ZNF430: variants seen among roughly 807,000 people sequenced by gnomAD.
The protein encoded by ZNF430 is zinc finger protein 430.
In ZNF430, 35 loss-of-function variants were observed where a neutral mutation model predicts 56.7. The ratio of observed to expected loss-of-function variants is 0.62; its 90% CI spans 0.47 to 0.82. The LOEUF (loss-of-function observed/expected upper bound fraction) is 0.82, where lower values mean the gene tolerates loss of function less well. Among genes scored for constraint, ZNF430 ranks in the 40% least tolerant of loss-of-function variants. The pLI is 0.00. For synonymous variants in ZNF430, 212 were observed against 224.3 expected (o/e 0.94, Z 0.49); for missense variants, 574 against 661.0 (o/e 0.87, Z 1.44).
At chr19:21,032,995 G>A (rs1180095326) in intron 2 of ZNF430, among the ~76,000 whole-genome samples, 1 of 152,100 alleles carries the variant, frequency 6.6e-6, no homozygotes, top group Non-Finnish European at 1.5e-5. Flanking sequence ...ATATACTGGT[G>A]TTATGGATCT....
intron 4 of ZNF430, among the ~76,000 whole-genome samples, chr19:21,047,445 G>T (rs113502252): frequency 6.6e-5 from 10 of 152,208 alleles, no homozygotes; most frequent in African/African-American, 2.4e-4. Context: ...GCATTTTTTG[G>T]TTTATTCTTT....
intron 2 of ZNF430, among the ~76,000 whole-genome samples, chr19:21,028,991 GT>G (rs1457288292): frequency 6.6e-6 from 1 of 152,056 alleles, no homozygotes; most frequent in African/African-American, 2.4e-5. Flanking sequence ...GCAATTCTGT[GT>G]TTTTTTCTCC....
chr19:21,055,808 G>A (rs1378725179), intron 4 of ZNF430, among the ~76,000 whole-genome samples: 1 of 151,908 alleles, frequency 6.6e-6, no homozygotes, highest in East Asian at 1.9e-4. Flanking sequence ...TCTGTGTGTG[G>A]CACTGCAGTC....
chr19:21,054,855 T>C (rs894685850), intron 4 of ZNF430, among the ~76,000 whole-genome samples: 1 of 151,614 alleles, frequency 6.6e-6, no homozygotes, highest in Non-Finnish European at 1.5e-5. Context: ...TTTCTTTTTT[T>C]AGTAGAGACA....
rs573848065 is a variant in ZNF430 at position 21,047,033 on chromosome 19, C to T, written c.323-9598C>T. 4.6e-5 allele frequency among the ~76,000 whole-genome samples: 7 copies of T among 152,174 alleles called. No homozygotes were observed. In the South Asian group the frequency reaches 1.5e-3, roughly 32 times the overall value. On this transcript the variant is annotated intron_variant, in intron 4 of 4. Coordinates refer to ENST00000261560, the MANE Select transcript of ZNF430 (RefSeq NM_025189.4). ...AGACCTCAGAGATTTCTCTCATTCC[C>T]GTTTATTCTTTTTTCTTCAATCTTG...
rs189804118 is a variant in ZNF430, at chr19:21,049,339, A to T, written c.323-7292A>T. Among the ~76,000 whole-genome samples the T allele has an allele frequency of 3.1e-3, 464 of 152,114 alleles. 5 individuals are homozygous for T. Among genetic ancestry groups the T allele is most frequent in the Non-Finnish European group, 5.3e-3 (362 of 68,004 alleles). On this transcript the variant is annotated intron_variant, in intron 4 of 4. Coordinates refer to ENST00000261560, the MANE Select transcript of ZNF430 (RefSeq NM_025189.4). ...ATATCTTGTATTTTTATATCTACAG[A>T]ACTTTAACGGTTTTATGCACCATTA... is the stretch of plus-strand genomic sequence containing the variant.
Position 21,058,219 on chromosome 19 carries a change from T to C in ZNF430, c.*198T>C. On this transcript the variant is annotated 3_prime_UTR_variant, in exon 5 of 5. Transcript: ENST00000261560. ...CAGCACTTTGGGAGGCTGAGACGGG[T>C]GAATTACATGAGGTTGGGAGTTCGA... The C allele has an allele frequency of 1.8e-6, 1 of 567,604 alleles. No homozygotes were observed. The highest frequency in any genetic ancestry group is 3.1e-6 in the Non-Finnish European group (1 of 324,682). 35.2% of individuals were successfully genotyped at this position (567,604 alleles called of 1,614,324 possible). A position where few individuals can be genotyped will look rare whatever the true frequency, so the allele number is the denominator to read the frequency against.
At chr19:21,041,189 A>G (rs1372864284) in intron 4 of ZNF430, among the ~76,000 whole-genome samples, 1 of 152,182 alleles carries the variant, frequency 6.6e-6, no homozygotes, top group East Asian at 1.9e-4. Context: ...TTGCAGTGGC[A>G]TGATTACAGC....
intron 2 of ZNF430, among the ~76,000 whole-genome samples, chr19:21,032,457 G>T (rs1967920786): frequency 6.6e-6 from 1 of 152,200 alleles, no homozygotes; most frequent in Non-Finnish European, 1.5e-5. Flanking sequence ...GCTGGGTGTG[G>T]TGGCTCACAC....
chr19:21,039,756 G>A (rs1225803789), intron 4 of ZNF430, among the ~76,000 whole-genome samples: 5 of 152,036 alleles, frequency 3.3e-5, no homozygotes, highest in Non-Finnish European at 7.4e-5. Flanking sequence ...GTGAGCCACC[G>A]CACCCGGCCT....
chr19:21,057,879 A>G lies in ZNF430; in HGVS notation c.1571A>G (p.Gln524Arg), dbSNP rs372193542. The G allele has an allele frequency of 5.0e-6, 8 of 1,613,794 alleles. No individual in the cohort carries two copies. The highest frequency in any genetic ancestry group is 6.8e-6 in the Non-Finnish European group (8 of 1,179,922). Residue 524 changes from glutamine to arginine, a missense_variant, in exon 5 of 5, where the codon CAG (glutamine) becomes CGG (arginine). Transcript: ENST00000261560. ...CTAGAATGTGATAAAGCCTTTAGCC[A>G]GTCTTCAACTCTTACTAAACATAAG... The part of the protein sequence containing the change: ...KYLECDKAFS[Q>R]SSTLTKHKVI...
At chr19:21,030,401 A>G (rs184308886) in intron 2 of ZNF430, among the ~76,000 whole-genome samples, 166 of 119,590 alleles carry the variant, frequency 1.4e-3, no homozygotes, top group African/African-American at 4.4e-3. Flanking sequence ...TTAGGATTAA[A>G]TCACAAAATG....
chr19:21,028,108 A>G (rs758665826), intron 2 of ZNF430, among the ~76,000 whole-genome samples: 6 of 152,172 alleles, frequency 3.9e-5, no homozygotes, highest in Non-Finnish European at 8.8e-5. Flanking sequence ...CCTGGGATTT[A>G]CAGGACACGG....
At chr19:21,029,533 A>G (rs1967863059) in intron 2 of ZNF430, among the ~76,000 whole-genome samples, 1 of 152,158 alleles carries the variant, frequency 6.6e-6, no homozygotes, top group Non-Finnish European at 1.5e-5. Flanking sequence ...CAGAACTGGA[A>G]ATACCTTGGT....
rs567945227 is a variant in ZNF430, at chr19:21,040,700, T to C, written c.322+6516T>C. 4.5e-4 allele frequency among the ~76,000 whole-genome samples: 68 copies of C among 152,352 alleles called. 1 individual carries two copies. The highest frequency in any genetic ancestry group is 2.5e-3 in the South Asian group (12 of 4,832). ...ATAATGTTGTCTGTTTTCTTACTGATCTTTTATCTAAATTTTCTATTTATT... is the reference window on the plus strand; with the variant it reads ...ATAATGTTGTCTGTTTTCTTACTGACCTTTTATCTAAATTTTCTATTTATT... On this transcript the variant is annotated intron_variant, in intron 4 of 4. Transcript: ENST00000261560.
intron 4 of ZNF430, among the ~76,000 whole-genome samples, chr19:21,050,600 T>G (rs190936155): frequency 0.038 from 5,806 of 152,054 alleles, 162 homozygotes; most frequent in Non-Finnish European, 0.055. Flanking sequence ...TCTATATTAT[T>G]TTTGTGTGGA....
rs778810987 is a variant in ZNF430 at position 21,057,104 on chromosome 19, T to C, written c.796T>C (p.Cys266Arg). 3.1e-6 allele frequency: 5 copies of C among 1,613,996 alleles called. No individual in the cohort carries two copies. The highest frequency in any genetic ancestry group is 4.2e-6 in the Non-Finnish European group (5 of 1,180,002). The part of the protein sequence containing the change: ...TGEKPYKCEQ[C>R]GKAFKQSSTL... ...AGAGAAACCCTACAAATGTGAACAATGTGGCAAAGCTTTTAAGCAGTCCTC... is the reference window on the plus strand; with the variant it reads ...AGAGAAACCCTACAAATGTGAACAACGTGGCAAAGCTTTTAAGCAGTCCTC... Residue 266 changes from cysteine to arginine, a missense_variant, in exon 5 of 5, where the codon TGT becomes CGT. Physicochemically the swap from Cys to Arg is radical, Grantham distance 180. Coordinates refer to ENST00000261560, the MANE Select transcript of ZNF430 (RefSeq NM_025189.4).
chr19:21,053,625 C>A (rs2144788946), intron 4 of ZNF430: 1 of 152,308 alleles, frequency 6.6e-6, no homozygotes, highest in East Asian at 1.9e-4. Context: ...AACTCCTGAC[C>A]TCAGGCGATC....
At chr19:21,048,785 G>A (rs1010992130) in intron 4 of ZNF430, among the ~76,000 whole-genome samples, 5 of 151,796 alleles carry the variant, frequency 3.3e-5, no homozygotes, top group Non-Finnish European at 5.9e-5. Flanking sequence ...CCCACCTCCC[G>A]GACGGGGCGG....
Sources: allele counts gnomAD v4.1 joint callset (sites outside exome capture counted in the v4.1 genomes callset), GRCh38; gene constraint gnomAD v4.1.1; transcripts MANE v1.5; gene names NCBI Gene and HGNC (gene_info 2026-07-23, HGNC 2026-07-21).